CNTRL: variants seen among roughly 807,000 people sequenced by gnomAD.
The protein encoded by CNTRL is centriolin.
A neutral mutation model predicts 303.7 loss-of-function variants in CNTRL; 233 were observed. That is an observed-to-expected ratio of 0.77 (90% CI 0.69 to 0.86). CNTRL has a LOEUF of 0.86. Ranked by LOEUF, CNTRL falls within the 40% of genes least tolerant of loss-of-function variation. The pLI, the probability that CNTRL is intolerant of heterozygous loss-of-function variation, is 0.00. For synonymous variants in CNTRL, 900 were observed against 922.2 expected, an observed-to-expected ratio of 0.98 and a Z score of 0.44; for missense variants, 2,524 against 2,650.6, an observed-to-expected ratio of 0.95 and a Z score of 1.05.
In CNTRL at chr9:121,177,311, G is replaced by A; in HGVS notation, c.*125G>A. ...TGAACTGAGATTCTGAAACTCCACT[G>A]TAGTTTACTTTGCCTGTACCATTAA... On this transcript the variant is annotated 3_prime_UTR_variant, in exon 44 of 44. Coordinates refer to ENST00000373855, the MANE Select transcript of CNTRL (RefSeq NM_007018.6). 1 of 803,106 alleles carries A rather than the reference G, an allele frequency of 1.2e-6. No individual in the cohort carries two copies. Among genetic ancestry groups the A allele is most frequent in the South Asian group, 1.6e-5 (1 of 63,082 alleles). 49.7% of individuals were successfully genotyped at this position (803,106 alleles called of 1,614,324 possible). A position where few individuals can be genotyped will look rare whatever the true frequency, so the allele number is the denominator to read the frequency against.
chr9:121,146,067 G>T lies in CNTRL; in HGVS notation c.3311-41G>T, dbSNP rs7023214. 69 of 1,513,784 alleles carry T rather than the reference G, an allele frequency of 4.6e-5. No homozygotes were observed. In the African/African-American group the frequency reaches 8.1e-4, roughly 18 times the overall value. The allele number at this position is 1,513,784 out of a possible 1,614,324, so 93.8% of individuals were successfully genotyped here. A position where few individuals can be genotyped will look rare whatever the true frequency, so the allele number is the denominator to read the frequency against. On this transcript the variant is annotated intron_variant, in intron 22 of 43. Transcript: ENST00000373855. ...TTTTATATTTTGAGAAAGGAAGTAA[G>T]TGATTTCATATCAATTTCATAGAAT...
At chr9:121,134,615 A>C (rs2051078354) in intron 14 of CNTRL, among the ~76,000 whole-genome samples, 1 of 152,090 alleles carries the variant, frequency 6.6e-6, no homozygotes, top group African/African-American at 2.4e-5. Flanking sequence ...CTAATATCTG[A>C]ACCATATTCA....
intron 8 of CNTRL, among the ~76,000 whole-genome samples, chr9:121,109,963 C>G (rs1190609854): frequency 1.3e-5 from 2 of 152,000 alleles, no homozygotes. Context: ...TAAAATAATT[C>G]TGGGTCTTAT....
At chr9:121,134,965 T>C (rs140480384) in intron 14 of CNTRL, among the ~76,000 whole-genome samples, 2 of 152,308 alleles carry the variant, frequency 1.3e-5, no homozygotes, top group Non-Finnish European at 2.9e-5. Context: ...TTATATGTAG[T>C]ATCTATATTT....
intron 11 of CNTRL, among the ~76,000 whole-genome samples, chr9:121,116,680 T>A (rs2049991776): frequency 6.6e-6 from 1 of 152,242 alleles, no homozygotes; most frequent in African/African-American, 2.4e-5. Context: ...TGATCCTATT[T>A]GTCACTTTGC....
At chr9:121,148,919 T>C in intron 24 of CNTRL, 58 bp downstream of exon 24, 1 of 1,480,212 alleles carries the variant, frequency 6.8e-7, no homozygotes, top group Non-Finnish European at 9.3e-7. Flanking sequence ...AACCTTTTAC[T>C]GATTCTCTGA....
intron 12 of CNTRL, 107 bp downstream of exon 12, chr9:121,118,647 G>A (rs920475268): frequency 2.1e-6 from 2 of 940,600 alleles, no homozygotes; most frequent in Non-Finnish European, 3.0e-6. Flanking sequence ...TTAGTTTGAT[G>A]TACAAATTTA....
intron 12 of CNTRL, among the ~76,000 whole-genome samples, chr9:121,123,451 A>C (rs2050344216): frequency 6.6e-6 from 1 of 151,812 alleles, no homozygotes; most frequent in Non-Finnish European, 1.5e-5. Context: ...AACAAACAAC[A>C]ACCTGGGTGT....
intron 23 of CNTRL, among the ~76,000 whole-genome samples, chr9:121,146,829 A>G (rs1335258197): frequency 6.6e-6 from 1 of 152,232 alleles, no homozygotes; most frequent in Non-Finnish European, 1.5e-5. Context: ...ACAAGCAGGG[A>G]TGTGAAGTCA....
intron 43 of CNTRL, among the ~76,000 whole-genome samples, chr9:121,176,624 A>G (rs756846871): frequency 6.6e-6 from 1 of 152,222 alleles, no homozygotes; most frequent in Non-Finnish European, 1.5e-5. Flanking sequence ...GGTGGCAGCC[A>G]GAGTTATTTA....
chr9:121,088,063 A>G (rs908263942), intron 2 of CNTRL, among the ~76,000 whole-genome samples: 1 of 152,170 alleles, frequency 6.6e-6, no homozygotes, highest in African/African-American at 2.4e-5. Flanking sequence ...AGGAATGACA[A>G]CACTTCCAGC....
rs1021845358 is a variant in CNTRL at position 121,143,978 on chromosome 9, G to A, written c.2947G>A (p.Val983Met). ...DKELKKLKKA[V>M]ATSDKLATAE... ...AGAACTGAAGAAACTAAAGAAAGCC[G>A]TGGCCACCTCTGATAAGCTAGCCAC... The change falls in exon 20 of 44, where the codon GTG becomes ATG. Residue 983 changes from valine (V) to methionine (M), a missense_variant. Transcript: ENST00000373855. The A allele has an allele frequency of 5.3e-5, 86 of 1,613,724 alleles. No individual in the cohort carries two copies. The highest frequency in any genetic ancestry group is 6.7e-5 in the Non-Finnish European group (79 of 1,179,868).
At chr9:121,145,522 T>A in intron 22 of CNTRL, 137 bp downstream of exon 22, 1 of 836,444 alleles carries the variant, frequency 1.2e-6, no homozygotes, top group Non-Finnish European at 1.8e-6. Context: ...GCTTAATAAG[T>A]AAAATAAAAT....
At chr9:121,163,102 G>A (rs1196807157) in intron 34 of CNTRL, among the ~76,000 whole-genome samples, 1 of 151,538 alleles carries the variant, frequency 6.6e-6, no homozygotes, top group Non-Finnish European at 1.5e-5. Context: ...CATTTTGGGA[G>A]GCCGAGGCAG....
chr9:121,150,295 G>C lies in CNTRL; in HGVS notation c.3775G>C (p.Gly1259Arg). 2 of 1,614,078 alleles carry C rather than the reference G, an allele frequency of 1.2e-6. No individual in the cohort carries two copies. The highest frequency in any genetic ancestry group is 1.7e-6 in the Non-Finnish European group (2 of 1,180,012). The change falls in exon 25 of 44, where the codon GGC (glycine) becomes CGC (arginine). Residue 1259 changes from glycine to arginine, a missense_variant. Transcript: ENST00000373855. The part of the protein sequence containing the change: ...VLPDGSPVPQ[G>R]MALYAPPPPL... ...TCCTGATGGTTCTCCTGTACCCCAGGGCATGGCCCTGTATGCACCACCTCC... is the reference window on the plus strand; with the variant it reads ...TCCTGATGGTTCTCCTGTACCCCAGCGCATGGCCCTGTATGCACCACCTCC...
chr9:121,156,929 G>A (rs1435958240), intron 27 of CNTRL, among the ~76,000 whole-genome samples: 1 of 151,960 alleles, frequency 6.6e-6, no homozygotes, highest in Non-Finnish European at 1.5e-5. Context: ...AGGAAATCTT[G>A]GTAAAATCAC....
chr9:121,126,542 A>T (rs1191009143), intron 14 of CNTRL, among the ~76,000 whole-genome samples: 1 of 152,174 alleles, frequency 6.6e-6, no homozygotes, highest in Non-Finnish European at 1.5e-5. Context: ...AGGCATATTT[A>T]AAAAATCACA....
In CNTRL at chr9:121,169,740, A is replaced by G. The variant is rs34633370; in HGVS notation, c.6200A>G (p.Lys2067Arg). ...LLRNQFLTER[K>R]KAEKQVASLK... is the part of the protein sequence containing the mutation. ...CGGAACCAGTTCTTGACAGAAAGAAAGAAAGCTGAGAAGCAGGTGGCCAGC... is the reference window on the plus strand; with the variant it reads ...CGGAACCAGTTCTTGACAGAAAGAAGGAAAGCTGAGAAGCAGGTGGCCAGC... The change falls in exon 39 of 44, where the codon AAG becomes AGG. Residue 2067 changes from lysine to arginine, a missense_variant. Coordinates refer to ENST00000373855, the MANE Select transcript of CNTRL (RefSeq NM_007018.6). The G allele has an allele frequency of 4.4e-3, 7,158 of 1,614,246 alleles. 27 individuals are homozygous for G. Among genetic ancestry groups the G allele is most frequent in the Non-Finnish European group, 4.9e-3 (5,828 of 1,180,040 alleles).
chr9:121,165,116 A>G lies in CNTRL; in HGVS notation c.5581+16A>G. ...CAGCTCCAAGGTATAAGGCAGCAAAACAGTGAAAGTGTGTGATTTCCTTGC... is the reference window on the plus strand; with the variant it reads ...CAGCTCCAAGGTATAAGGCAGCAAAGCAGTGAAAGTGTGTGATTTCCTTGC... On this transcript the variant is annotated intron_variant, in intron 35 of 43. Coordinates refer to ENST00000373855, the MANE Select transcript of CNTRL (RefSeq NM_007018.6). 6.5e-7 allele frequency: 1 copy of G among 1,538,738 alleles called. No individual in the cohort carries two copies. The highest frequency in any genetic ancestry group is 8.7e-7 in the Non-Finnish European group (1 of 1,145,594).
Sources: gnomAD v4.1 joint callset for allele counts (sites outside exome capture counted in the v4.1 genomes callset) on GRCh38, gnomAD v4.1.1 for gene constraint, MANE v1.5 for transcripts, NCBI Gene and HGNC (gene_info 2026-07-23, HGNC 2026-07-21) for gene names.